GPC6: variants seen among roughly 807,000 people sequenced by gnomAD.
The protein encoded by GPC6 is glypican-6.
A neutral mutation model predicts 55.2 loss-of-function variants in GPC6; 14 were observed. That is an observed-to-expected ratio of 0.25 (90% confidence interval 0.17 to 0.40). The LOEUF is 0.40. Ranked by LOEUF, GPC6 falls within the 10% of genes least tolerant of loss-of-function variation. The pLI is 1.00. For synonymous variants in GPC6, 278 were observed against 259.6 expected, an observed-to-expected ratio of 1.07 and a Z score of -0.68; for missense variants, 641 against 708.5, an observed-to-expected ratio of 0.90 and a Z score of 1.08.
chr13:93,573,940 T>C (rs999281066), intron 2 of GPC6, among the ~76,000 whole-genome samples: 1 of 152,086 alleles, frequency 6.6e-6, no homozygotes, highest in African/African-American at 2.4e-5. Context: ...TCTAACAGGA[T>C]TGAGTTGAGA....
intron 2 of GPC6, among the ~76,000 whole-genome samples, chr13:93,775,747 T>A (rs1443626425): frequency 6.6e-6 from 1 of 152,150 alleles, no homozygotes; most frequent in Non-Finnish European, 1.5e-5. Context: ...TGGACTAGTC[T>A]TACTTTGCCT....
intron 4 of GPC6, among the ~76,000 whole-genome samples, chr13:94,229,384 A>AT (rs1890652349): frequency 6.6e-6 from 1 of 152,174 alleles, no homozygotes; most frequent in African/African-American, 2.4e-5. Flanking sequence ...TAGAAATATC[A>AT]TGAGAATATT....
chr13:93,780,364 C>G (rs897456040), intron 2 of GPC6, among the ~76,000 whole-genome samples: 1 of 151,942 alleles, frequency 6.6e-6, no homozygotes, highest in Admixed American at 6.6e-5. Context: ...ATGCTATTTG[C>G]TATTGTAAAC....
chr13:94,199,595 G>T (rs1889689355), intron 4 of GPC6, among the ~76,000 whole-genome samples: 1 of 152,196 alleles, frequency 6.6e-6, no homozygotes, highest in Admixed American at 6.5e-5. Flanking sequence ...GGGACACTCT[G>T]CTGTGTTTCC....
intron 3 of GPC6, among the ~76,000 whole-genome samples, chr13:94,023,477 C>T (rs1882778854): frequency 6.6e-6 from 1 of 151,852 alleles, no homozygotes; most frequent in African/African-American, 2.4e-5. Context: ...CAGTCACATA[C>T]ACTGTAAAAA....
intron 1 of GPC6, among the ~76,000 whole-genome samples, chr13:93,250,067 C>G (rs1206994928): frequency 6.6e-6 from 1 of 152,138 alleles, no homozygotes; most frequent in African/African-American, 2.4e-5. Context: ...GGCTTTGACT[C>G]CTGGCTCCTC....
chr13:94,238,710 T>C (rs980586843), intron 4 of GPC6, among the ~76,000 whole-genome samples: 4 of 152,126 alleles, frequency 2.6e-5, no homozygotes, highest in African/African-American at 4.8e-5. Flanking sequence ...GCAAAAGATA[T>C]AAGCGAGGGT....
intron 1 of GPC6, among the ~76,000 whole-genome samples, chr13:93,272,490 GTGTATATATATATA>G (rs1271930636): frequency 2.9e-4 from 28 of 95,420 alleles, no homozygotes; most frequent in Admixed American, 2.3e-3. Context: ...CATTGTCTGT[GTGTATATATATATA>G]TATATATATA....
chr13:94,403,181 C>T lies in GPC6; in HGVS notation c.1632C>T (p.Thr544=), dbSNP rs780414324. The change falls in exon 9 of 9, where the codon ACC becomes ACT. Residue 544 remains threonine (T), a synonymous_variant. Coordinates refer to ENST00000377047, the MANE Select transcript of GPC6 (RefSeq NM_005708.5). The part of the protein sequence containing the change: ...RGHSLLSWSL[T]CIVLALQRLC... Reference sequence around the variant, plus strand: ...ACTCCCTGCTCTCCTGGTCTCTCACCTGCATTGTCCTGGCACTGCAGAGAC... The same window carrying T: ...ACTCCCTGCTCTCCTGGTCTCTCACTTGCATTGTCCTGGCACTGCAGAGAC... 3.7e-6 allele frequency: 6 copies of T among 1,613,978 alleles called. No homozygotes were observed. Among genetic ancestry groups the T allele is most frequent in the Non-Finnish European group, 5.1e-6 (6 of 1,179,850 alleles).
intron 2 of GPC6, among the ~76,000 whole-genome samples, chr13:93,605,842 T>TA (rs1193693750): frequency 0.11 from 7,380 of 65,930 alleles, 274 homozygotes; most frequent in African/African-American, 0.13. Context: ...ACCGTCTCAA[T>TA]AAAAAAAAAA....
intron 2 of GPC6, among the ~76,000 whole-genome samples, chr13:93,656,803 C>T (rs972807757): frequency 3.3e-5 from 5 of 151,998 alleles, no homozygotes; most frequent in Admixed American, 1.3e-4. Flanking sequence ...TTTCTATACA[C>T]CAATAACATC....
intron 2 of GPC6, among the ~76,000 whole-genome samples, chr13:93,620,744 C>T (rs2139556374): frequency 6.6e-6 from 1 of 152,152 alleles, no homozygotes; most frequent in South Asian, 2.1e-4. Context: ...AGCAGAATTC[C>T]CTTTGATGAA....
intron 1 of GPC6, among the ~76,000 whole-genome samples, chr13:93,467,623 C>T (rs1878960292): frequency 6.8e-6 from 1 of 146,076 alleles, no homozygotes; most frequent in Admixed American, 6.9e-5. Flanking sequence ...ATCCTGTCAC[C>T]CAGGATGGAG....
At chr13:94,225,668 C>CATATATAT (rs1355465459) in intron 4 of GPC6, among the ~76,000 whole-genome samples, 13 of 97,494 alleles carry the variant, frequency 1.3e-4, no homozygotes, top group African/African-American at 4.6e-4. Context: ...GTAAAGTATA[C>CATATATAT]ACATATATAT....
At chr13:93,885,663 C>T (rs1457633692) in intron 3 of GPC6, among the ~76,000 whole-genome samples, 1 of 152,168 alleles carries the variant, frequency 6.6e-6, no homozygotes, top group Non-Finnish European at 1.5e-5. Context: ...CTACCTCCTC[C>T]ATGAGGTTTA....
Position 94,068,664 on chromosome 13 carries a change from T to C in GPC6, c.877+40770T>C, listed in dbSNP as rs542554980. On this transcript the variant is annotated intron_variant, in intron 4 of 8. Transcript: ENST00000377047. The stretch of plus-strand genomic sequence containing the variant: ...TACAGGTATTGGGTAAATACGGCCA[T>C]TGCAAATGGGAGAAATTGGCCAAAA... Among the ~76,000 whole-genome samples the C allele has an allele frequency of 5.9e-5, 9 of 152,280 alleles. No individual in the cohort carries two copies. In the South Asian group the frequency reaches 1.7e-3, roughly 28 times the overall value.
Position 93,298,608 on chromosome 13 carries a change from C to A in GPC6, c.160+70992C>A, listed in dbSNP as rs1462151779. Among the ~76,000 whole-genome samples, 3 of 148,624 alleles carry A rather than the reference C, an allele frequency of 2.0e-5. No homozygotes were observed. The East Asian group carries it at 6.8e-4, about 34-fold the overall frequency. The stretch of plus-strand genomic sequence containing the variant: ...TGCCACTAGGCCCACCTAATATTTT[C>A]TTTTTTCTTTTTTTTTTTTATAGGG... On this transcript the variant is annotated intron_variant, in intron 1 of 8. Transcript: ENST00000377047.
chr13:93,430,033 C>A (rs1877298478), intron 1 of GPC6, among the ~76,000 whole-genome samples: 1 of 152,034 alleles, frequency 6.6e-6, no homozygotes, highest in African/African-American at 2.4e-5. Flanking sequence ...CCAGTGTGCC[C>A]AGGGCAAAGG....
chr13:94,338,215 C>G (rs1254238878), intron 6 of GPC6, among the ~76,000 whole-genome samples: 1 of 152,170 alleles, frequency 6.6e-6, no homozygotes, highest in African/African-American at 2.4e-5. Context: ...TTAGTCAATT[C>G]CTAGTAATCT....
Sources: allele counts gnomAD v4.1 joint callset (sites outside exome capture counted in the v4.1 genomes callset), GRCh38; gene constraint gnomAD v4.1.1; transcripts MANE v1.5; gene names NCBI Gene and HGNC (gene_info 2026-07-23, HGNC 2026-07-21).